Variants in GSTA5 observed in about 807,000 individuals in gnomAD.
GSTA5 encodes the protein glutathione S-transferase A5.
Under a neutral mutation model 21.8 loss-of-function variants are expected in GSTA5, and 25 were observed. The observed-to-expected ratio is 1.14, with a 90% CI of 0.83 to 1.60. The LOEUF is 1.60. Ranked by LOEUF, GSTA5 falls within the 40% of genes most tolerant of loss-of-function variation. The probability of loss-of-function intolerance (pLI) is 0.00; values close to 1 mark genes in which losing one functional copy is unlikely to be tolerated. For synonymous variants in GSTA5, 102 were observed against 89.5 expected (o/e 1.14, Z -0.78); for missense variants, 330 against 259.2 (o/e 1.27, Z -1.88).
At chr6:52,836,789 G>T (rs1764300230) in intron 2 of GSTA5, among the ~76,000 whole-genome samples, 1 of 152,220 alleles carries the variant, frequency 6.6e-6, no homozygotes, top group South Asian at 2.1e-4. Flanking sequence ...TGGGATTACA[G>T]GTGTGAGCCA....
chr6:52,836,208 G>A (rs1403023623), intron 3 of GSTA5, 28 bp downstream of exon 3: 6 of 1,609,658 alleles, frequency 3.7e-6, no homozygotes, highest in South Asian at 1.1e-5. Context: ...TGTTCTCTGT[G>A]GATGGAAGAA....
intron 3 of GSTA5, among the ~76,000 whole-genome samples, chr6:52,834,656 G>A (rs1327564001): frequency 6.6e-6 from 1 of 152,138 alleles, no homozygotes; most frequent in Non-Finnish European, 1.5e-5. Flanking sequence ...GGCTTGTTCT[G>A]TGCATGAACT....
chr6:52,832,270 C>T (rs1290395997), intron 5 of GSTA5, among the ~76,000 whole-genome samples: 5 of 152,084 alleles, frequency 3.3e-5, no homozygotes, highest in Non-Finnish European at 7.4e-5. Flanking sequence ...AATCAATATG[C>T]CTGTGAGATA....
exon 6 of GSTA5, chr6:52,831,912 C>T: frequency 2.5e-6 from 4 of 1,613,842 alleles, no homozygotes; most frequent in Non-Finnish European, 3.4e-6. Flanking sequence ...CTTTCTCTGG[C>T]TGCCAGGCTG....
chr6:52,844,983 G>A (rs1408348625), upstream of GSTA5, among the ~76,000 whole-genome samples: 1 of 152,070 alleles, frequency 6.6e-6, no homozygotes, highest in Non-Finnish European at 1.5e-5. Flanking sequence ...GCATTTGTCT[G>A]TAATCTGTCT....
chr6:52,836,221 G>C lies in GSTA5; in HGVS notation c.272+15C>G, dbSNP rs770673247. The C allele has an allele frequency of 4.3e-6, 7 of 1,611,690 alleles. No individual in the cohort carries two copies. Among genetic ancestry groups the C allele is most frequent in the Middle Eastern group, 2.0e-4 (1 of 5,032 alleles). ...TGTGTTCTCTGTGGATGGAAGAACAGAAAATATACCATACAGGGCTCTCTC... is the reference window on the plus strand; with the variant it reads ...TGTGTTCTCTGTGGATGGAAGAACACAAAATATACCATACAGGGCTCTCTC... On this transcript the variant is annotated intron_variant, in intron 3 of 5. Transcript: ENST00000370989.
At position 52,832,858 on chromosome 6, in the gene GSTA5, C is replaced by T. The variant is rs1764236287; in HGVS notation, c.546+1G>A. ...TCTCTCTGGGCTGTGAAATGGGTCACCTTCAGCAGAGGGAAGCTGGAGATA... is the reference window on the plus strand; with the variant it reads ...TCTCTCTGGGCTGTGAAATGGGTCATCTTCAGCAGAGGGAAGCTGGAGATA... On this transcript the variant is annotated splice_donor_variant, in intron 5 of 5. Transcript: ENST00000370989. LOFTEE classifies it high-confidence loss of function. 6.2e-7 allele frequency: 1 copy of T among 1,613,842 alleles called. No individual in the cohort carries two copies. Among genetic ancestry groups the T allele is most frequent in the Non-Finnish European group, 8.5e-7 (1 of 1,179,896 alleles).
upstream of GSTA5, among the ~76,000 whole-genome samples, chr6:52,844,070 G>T (rs370738260): frequency 6.6e-6 from 1 of 152,106 alleles, no homozygotes; most frequent in Non-Finnish European, 1.5e-5. Context: ...AATATCTAGG[G>T]AGTGTGTCTA....
chr6:52,840,131 T>C (rs183288417), intron 1 of GSTA5, among the ~76,000 whole-genome samples: 6 of 152,350 alleles, frequency 3.9e-5, no homozygotes, highest in Non-Finnish European at 7.3e-5. Context: ...ATTACGTATT[T>C]TCATTTTTTT....
At chr6:52,842,380 A>T (rs1306620783), upstream of GSTA5, among the ~76,000 whole-genome samples, 1 of 147,166 alleles carries the variant, frequency 6.8e-6, no homozygotes, top group Non-Finnish European at 1.5e-5. Context: ...AGAAAAATAT[A>T]CTTGCCTTTA....
intron 2 of GSTA5, 34 bp downstream of exon 2, chr6:52,837,524 A>G (rs1373498893): frequency 1.1e-5 from 15 of 1,409,150 alleles, no homozygotes; most frequent in Non-Finnish European, 1.4e-5. Context: ...TCTACTAGAA[A>G]CTCTCATCAG....
rs1305183947 is a variant in GSTA5 at position 52,836,380 on chromosome 6, G to T, written c.140-12C>A. The T allele has an allele frequency of 2.0e-6, 3 of 1,523,694 alleles. No individual in the cohort carries two copies. The highest frequency in any genetic ancestry group is 1.9e-5 in the Admixed American group (1 of 53,372). The allele number at this position is 1,523,694 out of a possible 1,614,324, so 94.4% of individuals were successfully genotyped here. A position where few individuals can be genotyped will look rare whatever the true frequency, so the allele number is the denominator to read the frequency against. On this transcript the variant is annotated splice_polypyrimidine_tract_variant and intron_variant, in intron 2 of 5. Coordinates refer to ENST00000370989, the Ensembl canonical transcript of GSTA5. Reference sequence around the variant, plus strand: ...CAGCAAACTCCCATCTTAGAAAGAAGAAAAAAAAAGGAGTATGAAGTGTCT... The same window carrying T: ...CAGCAAACTCCCATCTTAGAAAGAATAAAAAAAAAGGAGTATGAAGTGTCT...
Position 52,837,326 on chromosome 6 carries a change from G to T in GSTA5, c.139+232C>A, listed in dbSNP as rs73740666. On this transcript the variant is annotated intron_variant, in intron 2 of 5. Coordinates refer to ENST00000370989, the Ensembl canonical transcript of GSTA5. ...GAAAACAGAAAAAGGGCTTTCCCCG[G>T]GGGCGGGATATCATTCCTCTAACAA... is the stretch of plus-strand genomic sequence containing the variant. Among the ~76,000 whole-genome samples, 646 of 152,288 alleles carry T rather than the reference G, an allele frequency of 4.2e-3. 7 individuals carry two copies. The highest frequency in any genetic ancestry group is 0.014 in the African/African-American group (597 of 41,568).
rs1157038037 is a variant in GSTA5, at chr6:52,836,309, G to A, written c.199C>T (p.Gln67Ter). The change falls in exon 3 of 6, where the codon CAG becomes TAG. Residue 67 changes from glutamine to a stop codon, truncating the protein, a stop_gained. Coordinates refer to ENST00000370989, the Ensembl canonical transcript of GSTA5. LOFTEE classifies it high-confidence loss of function. Reference sequence around the variant, plus strand: ...ATGTAGTTAAGAATGGCTCTGGTCTGCACCAGCTTCATCCCGTCAATCTCA... The same window carrying A: ...ATGTAGTTAAGAATGGCTCTGGTCTACACCAGCTTCATCCCGTCAATCTCA... The A allele has an allele frequency of 6.2e-7, 1 of 1,613,442 alleles. No homozygotes were observed. Among genetic ancestry groups the A allele is most frequent in the African/African-American group, 1.3e-5 (1 of 74,988 alleles).
chr6:52,838,042 C>A (rs562344731), intron 1 of GSTA5, among the ~76,000 whole-genome samples: 2 of 152,188 alleles, frequency 1.3e-5, no homozygotes, highest in East Asian at 3.8e-4. Flanking sequence ...CACCAAGGAG[C>A]CTCTGCTATA....
chr6:52,841,664 A>G (rs1764378784), upstream of GSTA5, among the ~76,000 whole-genome samples: 2 of 152,238 alleles, frequency 1.3e-5, no homozygotes, highest in African/African-American at 2.4e-5. Flanking sequence ...AGGAGCTAGC[A>G]TTTGTTCAAC....
chr6:52,837,335 T>A (rs1181283819), intron 2 of GSTA5, among the ~76,000 whole-genome samples: 1 of 152,170 alleles, frequency 6.6e-6, no homozygotes, highest in African/African-American at 2.4e-5. Flanking sequence ...GGGGGCGGGA[T>A]ATCATTCCTC....
At chr6:52,842,041 A>G (rs1764383837), upstream of GSTA5, among the ~76,000 whole-genome samples, 1 of 152,184 alleles carries the variant, frequency 6.6e-6, no homozygotes, top group Non-Finnish European at 1.5e-5. Context: ...GTGTGTATGG[A>G]TGTTTGCATG....
intron 4 of GSTA5, 99 bp from the exon 5 acceptor site, chr6:52,833,089 T>G (rs1764240952): frequency 1.5e-6 from 2 of 1,339,284 alleles, no homozygotes; most frequent in Admixed American, 3.6e-5. Context: ...CCCACCTCTG[T>G]TGCCTTATTG....
Sources: allele counts gnomAD v4.1 joint callset (sites outside exome capture counted in the v4.1 genomes callset), GRCh38; gene constraint gnomAD v4.1.1; transcripts MANE v1.5; gene names NCBI Gene and HGNC (gene_info 2026-07-23, HGNC 2026-07-21).